ATP8A2: variants seen among roughly 807,000 people sequenced by gnomAD.
The protein encoded by ATP8A2 is phospholipid-transporting ATPase IB.
ATP8A2 carries 100 observed loss-of-function variants against 165.6 expected under a neutral mutation model. The ratio of observed to expected loss-of-function variants is 0.60; its 90% CI spans 0.51 to 0.71. The LOEUF is 0.71. ATP8A2 is among the 30% of genes least tolerant of loss of function. ATP8A2 has a pLI of 0.00. For missense variants in ATP8A2, 1,227 were observed against 1,479.5 expected (o/e 0.83, Z 2.80); for synonymous variants, 543 against 548.8 (o/e 0.99, Z 0.15).
intron 2 of ATP8A2, among the ~76,000 whole-genome samples, chr13:25,510,307 C>T (rs565489253): frequency 6.6e-6 from 1 of 151,964 alleles, no homozygotes; most frequent in African/African-American, 2.4e-5. Flanking sequence ...GAAGATGACC[C>T]CTTGGGCTAT....
At chr13:25,695,211 T>C (rs1464159123) in intron 24 of ATP8A2, among the ~76,000 whole-genome samples, 1 of 151,962 alleles carries the variant, frequency 6.6e-6, no homozygotes, top group African/African-American at 2.4e-5. Context: ...TGCAACAGCA[T>C]CACATCTTTA....
At chr13:25,694,477 C>T (rs1363701360) in intron 24 of ATP8A2, among the ~76,000 whole-genome samples, 1 of 152,172 alleles carries the variant, frequency 6.6e-6, no homozygotes, top group East Asian at 1.9e-4. Context: ...CCCCGGCAGG[C>T]ACCCCTCTAG....
intron 35 of ATP8A2, among the ~76,000 whole-genome samples, chr13:26,005,431 C>T (rs1416147848): frequency 3.3e-5 from 5 of 151,886 alleles, no homozygotes; most frequent in African/African-American, 9.7e-5. Context: ...TTTGTAGTCT[C>T]TGTTTCATTT....
intron 33 of ATP8A2, among the ~76,000 whole-genome samples, chr13:25,921,742 A>G (rs1003222927): frequency 7.9e-5 from 12 of 152,148 alleles, no homozygotes; most frequent in African/African-American, 4.8e-5. Context: ...TGAATATGCT[A>G]TTTTGATTGA....
At chr13:25,584,957 T>C (rs1371107868) in intron 23 of ATP8A2, among the ~76,000 whole-genome samples, 1 of 152,226 alleles carries the variant, frequency 6.6e-6, no homozygotes, top group Non-Finnish European at 1.5e-5. Context: ...TTGGAGGTGT[T>C]GGCTCTTTTT....
intron 25 of ATP8A2, among the ~76,000 whole-genome samples, chr13:25,753,245 C>CA (rs1310623372): frequency 6.6e-6 from 1 of 152,208 alleles, no homozygotes; most frequent in Admixed American, 6.5e-5. Context: ...GCTCACAAAC[C>CA]AAGTGCTAAC....
At chr13:25,405,017 T>A (rs1437090149) in intron 1 of ATP8A2, among the ~76,000 whole-genome samples, 2 of 151,832 alleles carry the variant, frequency 1.3e-5, no homozygotes, top group African/African-American at 4.8e-5. Context: ...AAGAGGGTGG[T>A]CTCTTGGAAG....
chr13:25,811,015 A>T (rs766300630), intron 27 of ATP8A2, among the ~76,000 whole-genome samples: 3 of 151,984 alleles, frequency 2.0e-5, no homozygotes, highest in Non-Finnish European at 2.9e-5. Flanking sequence ...ATCTTAAGGG[A>T]TGAATCTAAT....
intron 35 of ATP8A2, among the ~76,000 whole-genome samples, chr13:25,974,541 T>G (rs1425172381): frequency 6.6e-6 from 1 of 151,944 alleles, no homozygotes; most frequent in East Asian, 1.9e-4. Context: ...GATTACAGCT[T>G]CAAGGAGCTC....
At chr13:25,628,819 A>G (rs2041166736) in intron 24 of ATP8A2, among the ~76,000 whole-genome samples, 1 of 152,324 alleles carries the variant, frequency 6.6e-6, no homozygotes, top group African/African-American at 2.4e-5. Context: ...TTACCTGTGC[A>G]AAGACTCTGT....
chr13:25,432,662 T>A lies in ATP8A2; in HGVS notation c.77-36315T>A, dbSNP rs115872447. Among the ~76,000 whole-genome samples, 1,289 of 140,944 alleles carry A rather than the reference T, an allele frequency of 9.1e-3. 20 individuals are homozygous for A. Among genetic ancestry groups the A allele is most frequent in the African/African-American group, 0.031 (1,193 of 38,122 alleles). The allele number at this position is 140,944 out of a possible 152,430, so 92.5% of individuals were successfully genotyped here. On this transcript the variant is annotated intron_variant, in intron 1 of 36. Coordinates refer to ENST00000381655, the MANE Select transcript of ATP8A2 (RefSeq NM_016529.6). ...CTCTAGCCTGCTCATTTTCTTCCTG[T>A]CATTTTTTTTTTTCTGCAGATGATA...
chr13:25,509,582 GT>G (rs1188504137), intron 2 of ATP8A2, among the ~76,000 whole-genome samples: 3 of 151,818 alleles, frequency 2.0e-5, no homozygotes, highest in African/African-American at 4.8e-5. Context: ...AATATGTTGT[GT>G]TTTTTTCATT....
intron 36 of ATP8A2, 46 bp downstream of exon 36, chr13:26,012,668 G>C (rs1956875379): frequency 1.5e-6 from 2 of 1,349,366 alleles, no homozygotes; most frequent in African/African-American, 1.6e-5. Flanking sequence ...GTGTCGGTGC[G>C]GGGCGGGGGT....
intron 1 of ATP8A2, among the ~76,000 whole-genome samples, chr13:25,395,355 C>A (rs971181053): frequency 6.6e-6 from 1 of 152,030 alleles, no homozygotes; most frequent in African/African-American, 2.4e-5. Flanking sequence ...TTGTCATCCT[C>A]ACCTTCAGTT....
chr13:25,465,723 C>CT (rs573227196), intron 1 of ATP8A2, among the ~76,000 whole-genome samples: 5 of 47,486 alleles, frequency 1.1e-4, no homozygotes, highest in African/African-American at 1.6e-4. Flanking sequence ...TTCTTTCTTT[C>CT]TTTCTTTCTT....
intron 2 of ATP8A2, among the ~76,000 whole-genome samples, chr13:25,490,595 C>T (rs1052484239): frequency 3.2e-4 from 48 of 152,318 alleles, no homozygotes; most frequent in Admixed American, 7.8e-4. Flanking sequence ...AAGGTCCACA[C>T]AATAAAACCC....
intron 33 of ATP8A2, among the ~76,000 whole-genome samples, chr13:25,959,203 C>T (rs1955600433): frequency 6.6e-6 from 1 of 152,168 alleles, no homozygotes; most frequent in African/African-American, 2.4e-5. Flanking sequence ...TTGTGGTTTT[C>T]TTGGTTGGGG....
At chr13:25,725,511 CA>C (rs536569857) in intron 25 of ATP8A2, among the ~76,000 whole-genome samples, 28 of 152,048 alleles carry the variant, frequency 1.8e-4, no homozygotes, top group Non-Finnish European at 3.5e-4. Context: ...GGACAACAGA[CA>C]GGGGTGCTGG....
chr13:25,570,802 T>G lies in ATP8A2; in HGVS notation c.1509T>G (p.Leu503=), dbSNP rs2039445444. ...CTTGCATTCAGGAGTTCCTCACCCT[T>G]CTGGCCGTGTGCCACACGGTTGTTC... is the stretch of plus-strand genomic sequence containing the variant. ...TAPCIQEFLT[L]LAVCHTVVPE... Residue 503 remains leucine, a synonymous_variant, in exon 17 of 37, where the codon CTT becomes CTG. Transcript: ENST00000381655. 6.2e-7 allele frequency: 1 copy of G among 1,613,718 alleles called. No individual in the cohort carries two copies. Among genetic ancestry groups the G allele is most frequent in the Non-Finnish European group, 8.5e-7 (1 of 1,179,742 alleles).
Sources: gnomAD v4.1 joint callset for allele counts (sites outside exome capture counted in the v4.1 genomes callset) on GRCh38, gnomAD v4.1.1 for gene constraint, MANE v1.5 for transcripts, NCBI Gene and HGNC (gene_info 2026-07-23, HGNC 2026-07-21) for gene names.